SLC71A2: variants seen among roughly 807,000 people sequenced by gnomAD.
SLC71A2 encodes hippocampus abundant transcript-like 1.
chr9:94,460,798 T>C, the SLC71A2 span: 1 of 152,586 alleles, frequency 6.6e-6, no homozygotes, highest in African/African-American at 2.4e-5. Flanking sequence ...CTGAATACAT[T>C]TAAAAGAAAA....
chr9:94,455,316 G>GC, the SLC71A2 span, among the ~76,000 whole-genome samples: 1 of 148,384 alleles, frequency 6.7e-6, no homozygotes, highest in African/African-American at 2.5e-5. Flanking sequence ...GTATGTACAC[G>GC]CACCACCACG....
the SLC71A2 span, among the ~76,000 whole-genome samples, chr9:94,421,490 T>G: frequency 6.6e-6 from 1 of 152,214 alleles, no homozygotes; most frequent in Admixed American, 6.5e-5. Flanking sequence ...TTAGTACGTT[T>G]ATGAGATTAA....
the SLC71A2 span, among the ~76,000 whole-genome samples, chr9:94,407,381 CTTTTT>C: frequency 7.1e-6 from 1 of 139,902 alleles, no homozygotes. Context: ...CTGTAGTTTT[CTTTTT>C]TTTTTTTTTT....
At chr9:94,449,192 T>G in the SLC71A2 span, among the ~76,000 whole-genome samples, 29 of 152,200 alleles carry the variant, frequency 1.9e-4, no homozygotes, top group African/African-American at 7.0e-4. Context: ...CCTACACATA[T>G]GCTCATGTCA....
chr9:94,437,371 T>C, the SLC71A2 span, among the ~76,000 whole-genome samples: 1 of 146,898 alleles, frequency 6.8e-6, no homozygotes. Context: ...GCTGCTTATC[T>C]GTAGCATTGA....
At chr9:94,391,881 A>G in the SLC71A2 span, among the ~76,000 whole-genome samples, 10 of 152,210 alleles carry the variant, frequency 6.6e-5, no homozygotes, top group Admixed American at 2.0e-4. Context: ...CCTGTGTCCA[A>G]AAAAAATTTT....
At chr9:94,451,318 T>C in the SLC71A2 span, 2 of 440,816 alleles carry the variant, frequency 4.5e-6, no homozygotes, top group Admixed American at 4.3e-5. Flanking sequence ...ACTGGTTATA[T>C]AGGTTCAGCT....
the SLC71A2 span, among the ~76,000 whole-genome samples, chr9:94,422,332 T>G: frequency 6.6e-6 from 1 of 152,148 alleles, no homozygotes; most frequent in Non-Finnish European, 1.5e-5. Context: ...AAACTGTAAG[T>G]ATAACAGTTT....
At chr9:94,414,867 C>T in the SLC71A2 span, among the ~76,000 whole-genome samples, 1 of 152,038 alleles carries the variant, frequency 6.6e-6, no homozygotes, top group African/African-American at 2.4e-5. Flanking sequence ...ACTATGTTAA[C>T]CATGCTGGTC....
chr9:94,433,699 C>T, the SLC71A2 span, among the ~76,000 whole-genome samples: 6 of 152,256 alleles, frequency 3.9e-5, no homozygotes, highest in African/African-American at 1.4e-4. Flanking sequence ...TGCATAAGTA[C>T]ATTTCTAAAT....
the SLC71A2 span, among the ~76,000 whole-genome samples, chr9:94,400,678 T>C: frequency 1.8e-3 from 280 of 152,300 alleles, no homozygotes; most frequent in African/African-American, 6.4e-3. Context: ...TTAGATTCTT[T>C]TGCTACATTC....
the SLC71A2 span, among the ~76,000 whole-genome samples, chr9:94,448,969 T>C: frequency 6.6e-6 from 1 of 152,204 alleles, no homozygotes; most frequent in African/African-American, 2.4e-5. Flanking sequence ...TTTTTGGTGG[T>C]TGTATGCTAG....
the SLC71A2 span, among the ~76,000 whole-genome samples, chr9:94,447,305 G>A: frequency 2.0e-5 from 3 of 151,542 alleles, no homozygotes; most frequent in Non-Finnish European, 2.9e-5. Flanking sequence ...TCAGCCTCCC[G>A]AGTAGCTGGG....
At chr9:94,450,415 G>A in the SLC71A2 span, among the ~76,000 whole-genome samples, 50 of 151,080 alleles carry the variant, frequency 3.3e-4, no homozygotes, top group African/African-American at 1.1e-3. Context: ...TTTGTGAAAT[G>A]AGAATAATGT....
chr9:94,414,794 G>A, the SLC71A2 span, among the ~76,000 whole-genome samples: 6 of 152,096 alleles, frequency 3.9e-5, no homozygotes, highest in Admixed American at 3.9e-4. Context: ...CAAGTAGCTG[G>A]GACCAAGTAG....
the SLC71A2 span, chr9:94,445,279 T>A: frequency 1.0e-6 from 1 of 978,040 alleles, no homozygotes; most frequent in Middle Eastern, 2.4e-4. Flanking sequence ...CTAGCAGTTG[T>A]TGACTTATTT....
chr9:94,400,523 A>C, the SLC71A2 span, among the ~76,000 whole-genome samples: 1 of 146,274 alleles, frequency 6.8e-6, no homozygotes, highest in African/African-American at 2.5e-5. Context: ...AAAAAAAAAC[A>C]ACTGATAATA....
the SLC71A2 span, chr9:94,374,883 A>T: frequency 8.2e-7 from 1 of 1,225,510 alleles, no homozygotes; most frequent in Non-Finnish European, 1.0e-6. Flanking sequence ...GGCGGGAGCC[A>T]TGCCGGAGAA....
chr9:94,378,684 C>G, the SLC71A2 span, among the ~76,000 whole-genome samples: 2,842 of 152,202 alleles, frequency 0.019, 74 homozygotes, highest in African/African-American at 0.065. Flanking sequence ...GAGAAGGACA[C>G]CAAACAATTG....
Sources: gnomAD v4.1 joint callset for allele counts (sites outside exome capture counted in the v4.1 genomes callset) on GRCh38, gnomAD v4.1.1 for gene constraint, MANE v1.5 for transcripts, NCBI Gene and HGNC (gene_info 2026-07-23, HGNC 2026-07-21) for gene names.